The following VAV3 variants were observed in gnomAD, a reference collection of about 807,000 sequenced individuals.
VAV3 encodes guanine nucleotide exchange factor VAV3.
VAV3 carries 94 observed loss-of-function variants against 131.2 expected under a neutral mutation model. The ratio of observed to expected loss-of-function variants is 0.72; its 90% confidence interval spans 0.61 to 0.85. VAV3 has a LOEUF of 0.85. VAV3 is among the 40% of genes least tolerant of loss of function. VAV3 has a pLI of 0.00. For synonymous variants in VAV3, 349 were observed against 342.0 expected, an observed-to-expected ratio of 1.02 and a Z score of -0.22; for missense variants, 939 against 1,002.7, an observed-to-expected ratio of 0.94 and a Z score of 0.86.
intron 15 of VAV3, among the ~76,000 whole-genome samples, chr1:107,740,099 C>T (rs1662920371): frequency 6.6e-6 from 1 of 152,142 alleles, no homozygotes; most frequent in Non-Finnish European, 1.5e-5. Context: ...CCAGCCTGGC[C>T]AACATGGCAA....
intron 15 of VAV3, among the ~76,000 whole-genome samples, chr1:107,733,060 T>C (rs769662395): frequency 9.9e-5 from 15 of 152,178 alleles, no homozygotes; most frequent in Non-Finnish European, 1.8e-4. Flanking sequence ...AAATTTGCTG[T>C]TCTGCAGCCT....
At chr1:107,587,428 G>A (rs1162549044) in intron 25 of VAV3, among the ~76,000 whole-genome samples, 1 of 152,054 alleles carries the variant, frequency 6.6e-6, no homozygotes, top group Non-Finnish European at 1.5e-5. Flanking sequence ...AGAAAAACTG[G>A]GAATTTCTCC....
chr1:107,953,327 AC>A (rs1674646741), intron 1 of VAV3, among the ~76,000 whole-genome samples: 2 of 152,200 alleles, frequency 1.3e-5, no homozygotes, highest in South Asian at 4.1e-4. Flanking sequence ...CTTACCAAGT[AC>A]CCACCATGTA....
At chr1:107,921,602 T>A (rs1033508852) in intron 1 of VAV3, among the ~76,000 whole-genome samples, 2 of 152,226 alleles carry the variant, frequency 1.3e-5, no homozygotes, top group Admixed American at 1.3e-4. Context: ...AGCCAAGTCA[T>A]CACTCCATAA....
chr1:107,909,782 G>C (rs1387359297), intron 1 of VAV3, among the ~76,000 whole-genome samples: 3 of 152,082 alleles, frequency 2.0e-5, no homozygotes, highest in African/African-American at 7.2e-5. Flanking sequence ...GCCATGTATA[G>C]ATGTTCTTTA....
intron 1 of VAV3, among the ~76,000 whole-genome samples, chr1:107,957,413 T>C (rs1674871144): frequency 6.6e-6 from 1 of 152,134 alleles, no homozygotes; most frequent in Admixed American, 6.6e-5. Flanking sequence ...GAGTGAACTT[T>C]CTACAATGAT....
intron 1 of VAV3, among the ~76,000 whole-genome samples, chr1:107,903,326 T>C (rs190151004): frequency 6.6e-6 from 1 of 152,256 alleles, no homozygotes; most frequent in Admixed American, 6.5e-5. Context: ...AAGTAATGAA[T>C]GTAAAACACA....
intron 1 of VAV3, among the ~76,000 whole-genome samples, chr1:107,963,035 G>A (rs1001634486): frequency 6.6e-6 from 1 of 152,166 alleles, no homozygotes; most frequent in Non-Finnish European, 1.5e-5. Flanking sequence ...AACATAAGAG[G>A]AGAAGAGTGA....
intron 1 of VAV3, among the ~76,000 whole-genome samples, chr1:107,949,203 T>C (rs368546260): frequency 1.3e-5 from 2 of 152,264 alleles, no homozygotes; most frequent in Non-Finnish European, 2.9e-5. Context: ...GTTGCATTTA[T>C]ATGTAGTTTA....
intron 1 of VAV3, among the ~76,000 whole-genome samples, chr1:107,914,951 A>C (rs1672539442): frequency 6.6e-6 from 1 of 152,216 alleles, no homozygotes; most frequent in Admixed American, 6.5e-5. Flanking sequence ...TGAAAACTAA[A>C]GGGAAGAACT....
chr1:107,813,230 G>A (rs1196478949), intron 2 of VAV3, among the ~76,000 whole-genome samples: 1 of 152,062 alleles, frequency 6.6e-6, no homozygotes, highest in African/African-American at 2.4e-5. Context: ...AAGTAAGTCT[G>A]GAAAGGCATG....
intron 1 of VAV3, among the ~76,000 whole-genome samples, chr1:107,922,893 A>C (rs991462726): frequency 1.3e-5 from 2 of 150,448 alleles, no homozygotes. Context: ...CGGAGCTTGC[A>C]GTGAGCCGAG....
chr1:107,880,641 C>T (rs1670720567), intron 1 of VAV3, among the ~76,000 whole-genome samples: 1 of 151,942 alleles, frequency 6.6e-6, no homozygotes, highest in Non-Finnish European at 1.5e-5. Context: ...GCTAAAAATA[C>T]AAAGATTAGC....
Position 107,964,958 on chromosome 1 carries a change from C to T in VAV3, c.-89G>A. On this transcript the variant is annotated 5_prime_UTR_variant, in exon 1 of 27. Transcript: ENST00000370056. ...CCGCCGCGGTTCCTCCGCGCCCCGCCGACGCCAACAGCCGCCGGCCCTTTC... is the reference window on the plus strand; with the variant it reads ...CCGCCGCGGTTCCTCCGCGCCCCGCTGACGCCAACAGCCGCCGGCCCTTTC... 9.0e-7 allele frequency: 1 copy of T among 1,108,852 alleles called. No homozygotes were observed. The highest frequency in any genetic ancestry group is 1.1e-6 in the Non-Finnish European group (1 of 881,794). 68.7% of individuals were successfully genotyped at this position (1,108,852 alleles called of 1,614,324 possible). A position where few individuals can be genotyped will look rare whatever the true frequency, so the allele number is the denominator to read the frequency against.
At chr1:107,596,109 C>T (rs1307675687) in intron 25 of VAV3, 103 bp downstream of exon 25, 1 of 1,456,650 alleles carries the variant, frequency 6.9e-7, no homozygotes. Flanking sequence ...TGCATTAGCG[C>T]ATCCATTGGT....
At chr1:107,884,611 A>G (rs1670943780) in intron 1 of VAV3, among the ~76,000 whole-genome samples, 1 of 151,220 alleles carries the variant, frequency 6.6e-6, no homozygotes, top group African/African-American at 2.4e-5. Context: ...ATGCCTCACA[A>G]ATTTATTTTT....
In VAV3 at chr1:107,765,170, A is replaced by G; in HGVS notation, c.827T>C (p.Val276Ala). Residue 276 changes from valine (V) to alanine (A), a missense_variant, in exon 9 of 27, where the codon GTT (valine) becomes GCT (alanine). Physicochemically the swap from Val to Ala is moderately conservative, Grantham distance 64 (BLOSUM62 0). Transcript: ENST00000370056. ...QVFINYKERL[V>A]IYGQYCSGVE... ...TCCACTGCAGTACTGCCCGTAAATA[A>G]CCAATCTGAAAGGGAAAAAAGACAA... is the stretch of plus-strand genomic sequence containing the variant. The G allele has an allele frequency of 2.5e-6, 4 of 1,612,062 alleles. No individual in the cohort carries two copies. The highest frequency in any genetic ancestry group is 3.4e-6 in the Non-Finnish European group (4 of 1,178,632).
At chr1:107,928,677 G>A (rs545246284) in intron 1 of VAV3, among the ~76,000 whole-genome samples, 2 of 152,256 alleles carry the variant, frequency 1.3e-5, no homozygotes, top group Non-Finnish European at 2.9e-5. Flanking sequence ...GAGCTTGACA[G>A]CAGGCTAGCT....
At chr1:107,580,972 T>G (rs28474380) in intron 25 of VAV3, among the ~76,000 whole-genome samples, 2 of 152,122 alleles carry the variant, frequency 1.3e-5, no homozygotes, top group African/African-American at 4.8e-5. Flanking sequence ...GGAATAGAAT[T>G]AAAAAGGGCC....
Sources: allele counts gnomAD v4.1 joint callset (sites outside exome capture counted in the v4.1 genomes callset), GRCh38; gene constraint gnomAD v4.1.1; transcripts MANE v1.5; gene names NCBI Gene and HGNC (gene_info 2026-07-23, HGNC 2026-07-21).